Variants in MBP observed in about 807,000 individuals in gnomAD.
MBP encodes the protein myelin basic protein, also known as Golli-MBP.
A neutral mutation model predicts 35.8 loss-of-function variants in MBP; 16 were observed. That is an observed-to-expected ratio of 0.45 (90% CI 0.30 to 0.68). The LOEUF (loss-of-function observed/expected upper bound fraction) is 0.68. Among genes scored for constraint, MBP ranks in the 30% least tolerant of loss-of-function variants. MBP has a pLI of 0.08. For missense variants in MBP, 380 were observed against 404.7 expected (o/e 0.94, Z 0.52); for synonymous variants, 143 against 159.6 (o/e 0.90, Z 0.78).
rs144231593 is a variant in MBP, at chr18:77,059,559, C to G, written c.139+6739G>C. 2.0e-5 allele frequency among the ~76,000 whole-genome samples: 3 copies of G among 151,534 alleles called. No individual in the cohort carries two copies. In the East Asian group the frequency reaches 5.8e-4, roughly 29 times the overall value. ...AAAATTAAAATTAATTAATTTTTAT[C>G]TAATTAATCAAATTTGACATATGTG... On this transcript the variant is annotated intron_variant, in intron 3 of 8. Coordinates refer to ENST00000355994, the MANE Select transcript of MBP (RefSeq NM_001025101.2).
chr18:77,065,378 A>G (rs762350896), intron 3 of MBP, among the ~76,000 whole-genome samples: 7 of 152,078 alleles, frequency 4.6e-5, no homozygotes, highest in Non-Finnish European at 7.4e-5. Context: ...GCCCCACCCC[A>G]ATGACCTGAT....
At position 77,124,022 on chromosome 18, in the gene MBP, C is replaced by T. The variant is rs1024878739; in HGVS notation, c.-26+8558G>A. On this transcript the variant is annotated intron_variant, in intron 1 of 8. Coordinates refer to ENST00000355994, the MANE Select transcript of MBP (RefSeq NM_001025101.2). ...TCCCTTCCCAGCACAGGGCATTTTG[C>T]TCTTGCCTGCAGGGCAGCATGGGCA... Among the ~76,000 whole-genome samples, 5 of 152,184 alleles carry T rather than the reference C, an allele frequency of 3.3e-5. No homozygotes were observed. The South Asian group carries it at 6.2e-4, about 19-fold the overall frequency.
intron 3 of MBP, among the ~76,000 whole-genome samples, chr18:77,019,267 G>A (rs1181412995): frequency 1.3e-5 from 2 of 152,350 alleles, no homozygotes; most frequent in East Asian, 3.9e-4. Flanking sequence ...TTCTGTACCT[G>A]TGAGTGTGAC....
At chr18:77,071,846 G>A (rs369262575) in intron 2 of MBP, among the ~76,000 whole-genome samples, 1 of 152,170 alleles carries the variant, frequency 6.6e-6, no homozygotes, top group Non-Finnish European at 1.5e-5. Flanking sequence ...GCCAAGCCCT[G>A]TCCATCACAC....
chr18:77,062,332 T>C (rs72990916), intron 3 of MBP, among the ~76,000 whole-genome samples: 5,724 of 152,284 alleles, frequency 0.038, 149 homozygotes, highest in Non-Finnish European at 0.046. Context: ...GGACAGTGTG[T>C]GCACTACCTG....
At position 76,979,774 on chromosome 18, in the gene MBP, T is replaced by C. The variant is rs2123022986; in HGVS notation, c.*653A>G. ...CTCTGCCACACGCGAATTCAGCTAA[T>C]TGGGGTGTGTGGGCAGCCACGGCCT... is the stretch of plus-strand genomic sequence containing the variant. On this transcript the variant is annotated 3_prime_UTR_variant, in exon 9 of 9. Coordinates refer to ENST00000355994, the MANE Select transcript of MBP (RefSeq NM_001025101.2). 3.4e-6 allele frequency: 2 copies of C among 589,386 alleles called. No homozygotes were observed. The highest frequency in any genetic ancestry group is 5.7e-5 in the East Asian group (2 of 35,002). 36.5% of individuals were successfully genotyped at this position (589,386 alleles called of 1,614,324 possible). A position where few individuals can be genotyped will look rare whatever the true frequency, so the allele number is the denominator to read the frequency against.
intron 3 of MBP, among the ~76,000 whole-genome samples, chr18:77,046,084 A>G (rs1422271173): frequency 6.6e-6 from 1 of 152,236 alleles, no homozygotes; most frequent in Non-Finnish European, 1.5e-5. Flanking sequence ...AATAATCTAG[A>G]TATTCAAATT....
chr18:77,028,394 CT>C (rs1972324487), intron 3 of MBP, among the ~76,000 whole-genome samples: 1 of 126,486 alleles, frequency 7.9e-6, no homozygotes, highest in Admixed American at 8.4e-5. Flanking sequence ...CTACCTCTTT[CT>C]ACACAGACAC....
chr18:77,070,738 G>C (rs536086831), intron 2 of MBP, among the ~76,000 whole-genome samples: 51 of 152,232 alleles, frequency 3.4e-4, no homozygotes, highest in Middle Eastern at 3.4e-3. Context: ...CTGGGAACTC[G>C]AGAGGTCCAC....
rs1355626207 is a variant in MBP at position 77,028,584 on chromosome 18, T to C, written c.140-11316A>G. On this transcript the variant is annotated intron_variant, in intron 3 of 8. Transcript: ENST00000355994. ...AGGGGCGGCCGGGCAGAGGCGCCCC[T>C]CACCTCCCGGACGGGGCGGCTGGCC... 7.2e-5 allele frequency among the ~76,000 whole-genome samples: 6 copies of C among 83,836 alleles called. No homozygotes were observed. In the East Asian group the frequency reaches 1.1e-3, roughly 16 times the overall value. The allele number at this position is 83,836 out of a possible 152,430, so 55.0% of individuals were successfully genotyped here.
chr18:77,062,290 T>C (rs560248925), intron 3 of MBP, among the ~76,000 whole-genome samples: 2 of 152,338 alleles, frequency 1.3e-5, no homozygotes, highest in East Asian at 1.9e-4. Context: ...GACTGACTCC[T>C]GCCTTCCTTC....
In MBP at chr18:77,028,790, C is replaced by T. The variant is rs1278698596; in HGVS notation, c.140-11522G>A. On this transcript the variant is annotated intron_variant, in intron 3 of 8. Coordinates refer to ENST00000355994, the MANE Select transcript of MBP (RefSeq NM_001025101.2). ...CCTCCCGGACGGGGTGGCTGCTGGG[C>T]GGAGGGACTCCTGACTTCTCAGACG... Among the ~76,000 whole-genome samples the T allele has an allele frequency of 2.0e-5, 2 of 99,598 alleles. 1 individual carries two copies. Among genetic ancestry groups the T allele is most frequent in the Non-Finnish European group, 5.2e-5 (2 of 38,514 alleles). 65.3% of individuals were successfully genotyped at this position (99,598 alleles called of 152,430 possible). A position where few individuals can be genotyped will look rare whatever the true frequency, so the allele number is the denominator to read the frequency against.
chr18:77,071,749 T>G (rs1020076784), intron 2 of MBP, among the ~76,000 whole-genome samples: 1 of 151,956 alleles, frequency 6.6e-6, no homozygotes, highest in Admixed American at 6.6e-5. Context: ...GAAAATAAGG[T>G]AGGAAGCCAA....
chr18:76,986,722 A>G lies in MBP; in HGVS notation c.750+1773T>C, dbSNP rs1056578181. On this transcript the variant is annotated intron_variant, in intron 7 of 8. Coordinates refer to ENST00000355994, the MANE Select transcript of MBP (RefSeq NM_001025101.2). Reference sequence around the variant, plus strand: ...GAGGGCAGGTTGCCAGCCTGGCTCTACATGGCAGAAAGCCACTTCCCTGCA... The same window carrying G: ...GAGGGCAGGTTGCCAGCCTGGCTCTGCATGGCAGAAAGCCACTTCCCTGCA... The G allele has an allele frequency of 9.1e-6, 9 of 985,378 alleles. No homozygotes were observed. The African/African-American group carries it at 1.6e-4, about 17-fold the overall frequency. The allele number at this position is 985,378 out of a possible 1,614,324, so 61.0% of individuals were successfully genotyped here.
At chr18:77,006,476 C>A (rs1040902327) in intron 4 of MBP, 1 of 153,398 alleles carries the variant, frequency 6.5e-6, no homozygotes, top group Non-Finnish European at 1.5e-5. Flanking sequence ...GCACCGGGTT[C>A]CAGGGACCTG....
intron 3 of MBP, among the ~76,000 whole-genome samples, chr18:77,035,917 G>A (rs928941253): frequency 5.9e-5 from 9 of 152,206 alleles, no homozygotes; most frequent in African/African-American, 1.9e-4. Context: ...TCATTCTGCT[G>A]ACTGAGAACT....
At chr18:77,092,634 G>T (rs896539034) in intron 2 of MBP, among the ~76,000 whole-genome samples, 1 of 151,990 alleles carries the variant, frequency 6.6e-6, no homozygotes, top group African/African-American at 2.4e-5. Context: ...TGGCCTCCCC[G>T]CTGGCTGCCA....
intron 4 of MBP, among the ~76,000 whole-genome samples, chr18:77,008,764 C>T (rs552145573): frequency 3.1e-4 from 47 of 152,344 alleles, no homozygotes; most frequent in East Asian, 5.8e-4. Context: ...ACTCCTGGCC[C>T]GCGGCGGTGC....
intron 4 of MBP, among the ~76,000 whole-genome samples, chr18:77,011,681 T>C (rs1971361577): frequency 6.6e-6 from 1 of 152,246 alleles, no homozygotes; most frequent in South Asian, 2.1e-4. Flanking sequence ...AGAAATTGTG[T>C]GTGCTAAGCC....
Sources: allele counts gnomAD v4.1 joint callset (sites outside exome capture counted in the v4.1 genomes callset), GRCh38; gene constraint gnomAD v4.1.1; transcripts MANE v1.5; gene names NCBI Gene and HGNC (gene_info 2026-07-23, HGNC 2026-07-21).